ARB2A: variants seen among roughly 807,000 people sequenced by gnomAD.
ARB2A encodes cotranscriptional regulator ARB2A.
At chr5:93,968,297 A>G in the ARB2A span, among the ~76,000 whole-genome samples, 1 of 152,126 alleles carries the variant, frequency 6.6e-6, no homozygotes, top group Non-Finnish European at 1.5e-5. Context: ...AACAACTATA[A>G]TATGTTAAGG....
chr5:93,818,916 G>A, the ARB2A span, among the ~76,000 whole-genome samples: 4 of 152,070 alleles, frequency 2.6e-5, no homozygotes, highest in African/African-American at 7.2e-5. Context: ...GGCCGGGCGC[G>A]GTGGCTCACG....
the ARB2A span, among the ~76,000 whole-genome samples, chr5:93,832,202 G>A: frequency 2.6e-5 from 4 of 152,078 alleles, no homozygotes; most frequent in Admixed American, 2.0e-4. Context: ...GGAATATGGC[G>A]TGTTAACTTA....
the ARB2A span, among the ~76,000 whole-genome samples, chr5:94,101,905 T>A: frequency 6.6e-6 from 1 of 151,812 alleles, no homozygotes; most frequent in Non-Finnish European, 1.5e-5. Flanking sequence ...ACATGTTATC[T>A]ATGTAGCAAA....
chr5:93,728,391 A>G, the ARB2A span, among the ~76,000 whole-genome samples: 1 of 152,094 alleles, frequency 6.6e-6, no homozygotes, highest in Non-Finnish European at 1.5e-5. Context: ...TAATCAACAG[A>G]GTTTCTAATC....
chr5:93,656,975 C>T, the ARB2A span, among the ~76,000 whole-genome samples: 3 of 152,120 alleles, frequency 2.0e-5, no homozygotes, highest in Non-Finnish European at 4.4e-5. Context: ...GCCTAGCATG[C>T]GTCATGCCTC....
the ARB2A span, among the ~76,000 whole-genome samples, chr5:93,664,590 C>A: frequency 6.6e-6 from 1 of 150,536 alleles, no homozygotes; most frequent in African/African-American, 2.4e-5. Context: ...GAGATAGCGC[C>A]ACTGCACTCC....
chr5:93,994,597 T>A, the ARB2A span, among the ~76,000 whole-genome samples: 1 of 152,110 alleles, frequency 6.6e-6, no homozygotes, highest in Non-Finnish European at 1.5e-5. Flanking sequence ...GGTTCACTTA[T>A]ACACAGATTT....
At chr5:93,996,956 G>A in the ARB2A span, among the ~76,000 whole-genome samples, 4 of 152,026 alleles carry the variant, frequency 2.6e-5, no homozygotes, top group East Asian at 1.9e-4. Flanking sequence ...TGAGAAGTAC[G>A]TATGTGCTAG....
chr5:93,701,058 T>C, the ARB2A span, among the ~76,000 whole-genome samples: 1 of 152,158 alleles, frequency 6.6e-6, no homozygotes, highest in Non-Finnish European at 1.5e-5. Context: ...TGTTTGTATC[T>C]AATCTAATGC....
the ARB2A span, among the ~76,000 whole-genome samples, chr5:93,732,146 C>T: frequency 1.3e-5 from 2 of 152,160 alleles, no homozygotes; most frequent in African/African-American, 2.4e-5. Flanking sequence ...TTTCTGTTCA[C>T]TGGTGTCGCC....
chr5:93,741,694 G>C, the ARB2A span: 5 of 1,091,518 alleles, frequency 4.6e-6, no homozygotes, highest in East Asian at 2.6e-5. Flanking sequence ...GTGCCTGTGC[G>C]TAGGCGGGGA....
the ARB2A span, among the ~76,000 whole-genome samples, chr5:93,799,909 C>T: frequency 2.0e-5 from 3 of 151,780 alleles, no homozygotes; most frequent in Admixed American, 6.6e-5. Flanking sequence ...GCATTTCCCC[C>T]GAACTGTATA....
the ARB2A span, among the ~76,000 whole-genome samples, chr5:93,706,088 T>C: frequency 7.2e-5 from 11 of 152,220 alleles, no homozygotes; most frequent in Non-Finnish European, 7.3e-5. Flanking sequence ...CAAACACTTA[T>C]ACATGAATGT....
At chr5:93,863,389 G>T in the ARB2A span, 1 of 151,846 alleles carries the variant, frequency 6.6e-6, no homozygotes, top group African/African-American at 2.4e-5. Context: ...CCGAGTAGCT[G>T]GGGCTACCGG....
At chr5:93,919,744 T>C in the ARB2A span, among the ~76,000 whole-genome samples, 3 of 152,194 alleles carry the variant, frequency 2.0e-5, no homozygotes, top group Non-Finnish European at 4.4e-5. Flanking sequence ...TAAATACTTC[T>C]CATCCTTTTC....
At chr5:93,993,984 C>T in the ARB2A span, among the ~76,000 whole-genome samples, 9 of 151,952 alleles carry the variant, frequency 5.9e-5, no homozygotes, top group African/African-American at 1.9e-4. Context: ...GCACATATTG[C>T]ATATCTCTAT....
the ARB2A span, among the ~76,000 whole-genome samples, chr5:93,665,754 G>A: frequency 5.3e-5 from 8 of 152,074 alleles, no homozygotes; most frequent in Admixed American, 1.3e-4. Flanking sequence ...CAATTCTAAC[G>A]CTGTCACTGT....
the ARB2A span, chr5:93,776,020 T>A: frequency 1.5e-6 from 1 of 684,654 alleles, no homozygotes; most frequent in East Asian, 2.7e-5. Context: ...ATTCTACCCA[T>A]GCATAACATT....
chr5:94,040,226 G>A, the ARB2A span, among the ~76,000 whole-genome samples: 3 of 152,128 alleles, frequency 2.0e-5, no homozygotes, highest in African/African-American at 7.2e-5. Context: ...ATGGCTATGG[G>A]TGACAGGATT....
Sources: allele counts gnomAD v4.1 joint callset (sites outside exome capture counted in the v4.1 genomes callset), GRCh38; gene constraint gnomAD v4.1.1; transcripts MANE v1.5; gene names NCBI Gene and HGNC (gene_info 2026-07-23, HGNC 2026-07-21).